The following PRRG3 variants were observed in gnomAD, a reference collection of about 807,000 sequenced individuals.
The protein encoded by PRRG3 is proline rich and Gla domain 3.
PRRG3 carries 21 observed loss-of-function variants against 15.8 expected under a neutral mutation model. That is an observed-to-expected ratio of 1.33 (90% CI 0.94 to 1.92). PRRG3 has a LOEUF of 1.92. PRRG3 is among the 40% of genes most tolerant of loss of function. The pLI is 0.00. For synonymous variants in PRRG3, 125 were observed against 84.1 expected (o/e 1.49, Z -2.66); for missense variants, 251 against 200.2 (o/e 1.25, Z -1.53).
chrX:151,700,092 A>T lies in PRRG3; in HGVS notation c.104A>T (p.Glu35Val). The change falls in exon 3 of 4, where the codon GAG becomes GTG. Residue 35 changes from glutamate (E) to valine (V), a missense_variant. Glu to Val is a moderately radical substitution (Grantham distance 121). Transcript: ENST00000674457. Reference protein sequence around the residue: ...EELRQGTIERECMEEICSYEE... With the variant: ...EELRQGTIERVCMEEICSYEE... ...CTGCGCCAGGGCACCATCGAGCGAGAGTGCATGGAGGAGATCTGCAGCTAC... is the reference window on the plus strand; with the variant it reads ...CTGCGCCAGGGCACCATCGAGCGAGTGTGCATGGAGGAGATCTGCAGCTAC... 8.3e-7 allele frequency: 1 copy of T among 1,211,799 alleles called. No homozygotes were observed. Among genetic ancestry groups the T allele is most frequent in the Non-Finnish European group, 1.1e-6 (1 of 895,471 alleles).
Position 151,700,117 on chromosome X carries a change from C to T in PRRG3, c.129C>T (p.Tyr43=), listed in dbSNP as rs376429280. ...AGTGCATGGAGGAGATCTGCAGCTA[C>T]GAGGAGGTCAAGGAAGTGTTTGAGA... The part of the protein sequence containing the change: ...ERECMEEICS[Y]EEVKEVFENK... The change falls in exon 3 of 4, where the codon TAC becomes TAT. Residue 43 remains tyrosine, a synonymous_variant. Transcript: ENST00000674457. 51 of 1,210,087 alleles carry T rather than the reference C, an allele frequency of 4.2e-5. No individual in the cohort carries two copies. Among genetic ancestry groups the T allele is most frequent in the East Asian group, 1.8e-4 (6 of 33,779 alleles).
chrX:151,699,868 TG>T, intron 2 of PRRG3, 127 bp from the exon 3 acceptor site: 1 of 660,077 alleles, frequency 1.5e-6, no homozygotes, highest in Non-Finnish European at 2.2e-6. Flanking sequence ...ATCAGAAGCC[TG>T]GTGTCTTGCC....
chrX:151,701,039 C>G lies in PRRG3; in HGVS notation c.*6C>G, dbSNP rs769116612. 3 of 1,124,040 alleles carry G rather than the reference C, an allele frequency of 2.7e-6. No homozygotes were observed. The highest frequency in any genetic ancestry group is 1.8e-5 in the African/African-American group (1 of 54,764). The allele number at this position is 1,124,040 out of a possible 1,213,427, so 92.6% of individuals were successfully genotyped here. A position where few individuals can be genotyped will look rare whatever the true frequency, so the allele number is the denominator to read the frequency against. On this transcript the variant is annotated 3_prime_UTR_variant, in exon 4 of 4. Transcript: ENST00000674457. ...ACCCTGGCGCTGACAAGTAGTGGGA[C>G]GTTTGTGCCCTGTCCTGGATGAACG... is the stretch of plus-strand genomic sequence containing the variant.
Position 151,700,053 on chromosome X carries a change from A to G in PRRG3, c.65A>G (p.Glu22Gly). Reference sequence around the variant, plus strand: ...CTGAAACGATTCCCTCGTGCCAATGAGTTCCTGGAGGAGCTGCGCCAGGGC... The same window carrying G: ...CTGAAACGATTCCCTCGTGCCAATGGGTTCCTGGAGGAGCTGCGCCAGGGC... The part of the protein sequence containing the change: ...SVLKRFPRAN[E>G]FLEELRQGTI... The change falls in exon 3 of 4, where the codon GAG becomes GGG. Residue 22 changes from glutamate (E) to glycine (G), a missense_variant. Transcript: ENST00000674457. 20 of 1,211,684 alleles carry G rather than the reference A, an allele frequency of 1.7e-5. No homozygotes were observed. Among genetic ancestry groups the G allele is most frequent in the Non-Finnish European group, 2.1e-5 (19 of 895,365 alleles).
chrX:151,698,915 A>AC, intron 2 of PRRG3, 94 bp downstream of exon 2: 1 of 864,690 alleles, frequency 1.2e-6, no homozygotes, highest in Non-Finnish European at 1.7e-6. Flanking sequence ...CCTGCCCCCT[A>AC]CCCCCCAAGT....
In PRRG3 at chrX:151,701,630, G is replaced by C. The variant is rs2014888304; in HGVS notation, c.*597G>C. ...CCGGGCCGTTCATAGGAGGCCAAGG[G>C]AAATTTATCACATGGATCTGTGATG... On this transcript the variant is annotated 3_prime_UTR_variant, in exon 4 of 4. Transcript: ENST00000674457. The C allele has an allele frequency of 8.9e-6, 1 of 112,667 alleles. No homozygotes were observed. The highest frequency in any genetic ancestry group is 3.7e-4 in the South Asian group (1 of 2,718). The allele number at this position is 112,667 out of a possible 1,213,427, so 9.3% of individuals were successfully genotyped here.
chrX:151,700,504 A>T lies in PRRG3; in HGVS notation c.169-2A>T. ...TCTTAAGTACCACTTTTTCTTTTGC[A>T]GATGGAGTTCTGGAAAGGGTACCCA... On this transcript the variant is annotated splice_acceptor_variant, in intron 3 of 3. Coordinates refer to ENST00000674457, the MANE Select transcript of PRRG3 (RefSeq NM_001372163.1). LOFTEE classifies it high-confidence loss of function. 1 of 1,174,593 alleles carries T rather than the reference A, an allele frequency of 8.5e-7. No individual in the cohort carries two copies. Among genetic ancestry groups the T allele is most frequent in the Non-Finnish European group, 1.1e-6 (1 of 874,854 alleles).
At chrX:151,699,848 A>T (rs1219095842) in intron 2 of PRRG3, 148 bp from the exon 3 acceptor site, 8 of 546,942 alleles carry the variant, frequency 1.5e-5, no homozygotes, top group Non-Finnish European at 2.3e-5. Flanking sequence ...AGGGCCGGCC[A>T]TGTCCTTTGA....
At position 151,704,952 on chromosome X, in the gene PRRG3, TA is replaced by T. The variant is rs2014953091; in HGVS notation, c.*3924del. Reference sequence around the variant, plus strand: ...CACAGTAGCTGTGATTCTGGCTACATAAAAATATTTGAAATATTCTTCCCTT... The same window carrying T: ...CACAGTAGCTGTGATTCTGGCTACATAAAATATTTGAAATATTCTTCCCTT... On this transcript the variant is annotated 3_prime_UTR_variant, in exon 4 of 4. Transcript: ENST00000674457. 1 of 125,022 alleles carries T rather than the reference TA, an allele frequency of 8.0e-6. No homozygotes were observed. The highest frequency in any genetic ancestry group is 8.8e-5 in the Admixed American group (1 of 11,358). The allele number at this position is 125,022 out of a possible 1,213,427, so 10.3% of individuals were successfully genotyped here.
At chrX:151,696,904 A>G (rs1029705576) in intron 1 of PRRG3, among the ~76,000 whole-genome samples, 3 of 112,181 alleles carry the variant, frequency 2.7e-5, no homozygotes, top group African/African-American at 9.7e-5. Flanking sequence ...TTCAAAAGAG[A>G]AAGCCCCTTG....
rs781279979 is a variant in PRRG3 at position 151,700,043 on chromosome X, C to T, written c.55C>T (p.Arg19Cys). 14 of 1,210,109 alleles carry T rather than the reference C, an allele frequency of 1.2e-5. No individual in the cohort carries two copies. Among genetic ancestry groups the T allele is most frequent in the Admixed American group, 6.5e-5 (3 of 45,860 alleles). The stretch of plus-strand genomic sequence containing the variant: ...CCATTCGGTCCTGAAACGATTCCCT[C>T]GTGCCAATGAGTTCCTGGAGGAGCT... Reference protein sequence around the residue: ...DAHSVLKRFPRANEFLEELRQ... With the variant: ...DAHSVLKRFPCANEFLEELRQ... The change falls in exon 3 of 4, where the codon CGT (arginine) becomes TGT (cysteine). Residue 19 changes from arginine (R) to cysteine (C), a missense_variant. Transcript: ENST00000674457.
chrX:151,698,495 G>A, intron 1 of PRRG3: 1 of 222,366 alleles, frequency 4.5e-6, no homozygotes, highest in Admixed American at 7.0e-5. Flanking sequence ...AAAAGAAAAA[G>A]GTCAACCCTT....
upstream of PRRG3, chrX:151,694,999 C>T (rs1203836282): frequency 9.2e-6 from 1 of 108,727 alleles, no homozygotes; most frequent in Non-Finnish European, 1.9e-5. Flanking sequence ...GCGCGGTGCT[C>T]GGTGCGCGCC....
upstream of PRRG3, chrX:151,695,449 G>A (rs1274671563): frequency 9.0e-6 from 1 of 111,573 alleles, no homozygotes; most frequent in Non-Finnish European, 1.9e-5. Context: ...CGGGGAGCAG[G>A]TGGGCGGGGA....
In PRRG3 at chrX:151,701,142, T is replaced by G. The variant is rs182607516; in HGVS notation, c.*109T>G. 281 of 728,704 alleles carry G rather than the reference T, an allele frequency of 3.9e-4. 3 individuals are homozygous for G. In the South Asian group the frequency reaches 0.013, roughly 34 times the overall value. 60.1% of individuals were successfully genotyped at this position (728,704 alleles called of 1,213,427 possible). ...CACAAAACAGCCTTAGCCTCCTTGTTGCCAAATAATTCCCTAACTGTGGAG... is the reference window on the plus strand; with the variant it reads ...CACAAAACAGCCTTAGCCTCCTTGTGGCCAAATAATTCCCTAACTGTGGAG... On this transcript the variant is annotated 3_prime_UTR_variant, in exon 4 of 4. Transcript: ENST00000674457.
rs753639608 is a variant in PRRG3 at position 151,700,023 on chromosome X, C to T, written c.35C>T (p.Ser12Leu). Residue 12 changes from serine (S) to leucine (L), a missense_variant, in exon 3 of 4, where the codon TCG becomes TTG. Ser to Leu is a moderately radical substitution (Grantham distance 145). Coordinates refer to ENST00000674457, the MANE Select transcript of PRRG3 (RefSeq NM_001372163.1). ...AVFLEAKDAHSVLKRFPRANE... is the reference protein window; with the variant it reads ...AVFLEAKDAHLVLKRFPRANE... ...TTTCTGGAGGCCAAGGATGCCCATTCGGTCCTGAAACGATTCCCTCGTGCC... is the reference window on the plus strand; with the variant it reads ...TTTCTGGAGGCCAAGGATGCCCATTTGGTCCTGAAACGATTCCCTCGTGCC... 12 of 1,208,414 alleles carry T rather than the reference C, an allele frequency of 9.9e-6. No homozygotes were observed. The highest frequency in any genetic ancestry group is 4.4e-5 in the Admixed American group (2 of 45,886).
At chrX:151,697,116 C>T (rs1405320050) in intron 1 of PRRG3, among the ~76,000 whole-genome samples, 9 of 86,477 alleles carry the variant, frequency 1.0e-4, no homozygotes, top group African/African-American at 3.3e-4. Context: ...CCCTTCCTTC[C>T]TCCCTCCCTC....
At chrX:151,695,957 G>A (rs938515457) in intron 1 of PRRG3, among the ~76,000 whole-genome samples, 2 of 111,392 alleles carry the variant, frequency 1.8e-5, no homozygotes, top group African/African-American at 3.3e-5. Flanking sequence ...CAGGTGCTCT[G>A]GTGGTCACCA....
chrX:151,697,487 C>T (rs1373202305), intron 1 of PRRG3, among the ~76,000 whole-genome samples: 3 of 111,246 alleles, frequency 2.7e-5, no homozygotes, highest in Non-Finnish European at 1.9e-5. Context: ...TATATCCTAC[C>T]TGTTTGCCAA....
Sources: gnomAD v4.1 joint callset for allele counts (sites outside exome capture counted in the v4.1 genomes callset) on GRCh38, gnomAD v4.1.1 for gene constraint, MANE v1.5 for transcripts, NCBI Gene and HGNC (gene_info 2026-07-23, HGNC 2026-07-21) for gene names.